Variants in STEAP1B observed in about 807,000 individuals in gnomAD.
The protein encoded by STEAP1B is STEAP family member 1B.
In STEAP1B, 13 loss-of-function variants were observed where a neutral mutation model predicts 27.9. The observed-to-expected ratio is 0.47, with a 90% CI of 0.30 to 0.74. STEAP1B has a LOEUF of 0.74. Among genes scored for constraint, STEAP1B ranks in the 30% least tolerant of loss-of-function variants. The pLI, the probability that STEAP1B is intolerant of heterozygous loss-of-function variation, is 0.06. For missense variants in STEAP1B, 250 were observed against 298.7 expected (o/e 0.84, Z 1.20); for synonymous variants, 86 against 107.1 (o/e 0.80, Z 1.22).
chr7:22,461,977 T>C (rs1271346892), intron 4 of STEAP1B, among the ~76,000 whole-genome samples: 2 of 152,182 alleles, frequency 1.3e-5, no homozygotes, highest in East Asian at 1.9e-4. Flanking sequence ...TAGTAAACGC[T>C]TGGTAATAGT....
At chr7:22,428,936 A>G (rs752661199) in intron 4 of STEAP1B, among the ~76,000 whole-genome samples, 1 of 152,252 alleles carries the variant, frequency 6.6e-6, no homozygotes. Flanking sequence ...AATGGTGAAC[A>G]TATATAAGGT....
intron 4 of STEAP1B, among the ~76,000 whole-genome samples, chr7:22,450,646 G>T (rs186343989): frequency 1.3e-5 from 2 of 151,018 alleles, no homozygotes; most frequent in East Asian, 1.9e-4. Context: ...GTCTTTTGTG[G>T]TTCCATATAA....
At position 22,493,372 on chromosome 7, in the gene STEAP1B, T is replaced by C; in HGVS notation, c.549A>G (p.Ala183=). Residue 183 remains alanine (A), a synonymous_variant, in exon 3 of 5, where the codon GCA becomes GCG. Transcript: ENST00000678116. ...VLHAIYTLSY[A]MRRSYRYKLL... The stretch of plus-strand genomic sequence containing the variant: ...ACTTGTATCTGTAGGATCGCCTCAT[T>C]GCGTAAGACAGAGTATAAATTGCAT... The C allele has an allele frequency of 6.2e-7, 1 of 1,613,940 alleles. No individual in the cohort carries two copies. The highest frequency in any genetic ancestry group is 8.5e-7 in the Non-Finnish European group (1 of 1,179,800).
chr7:22,423,406 C>T (rs956675570), intron 4 of STEAP1B, among the ~76,000 whole-genome samples: 1 of 152,132 alleles, frequency 6.6e-6, no homozygotes, highest in African/African-American at 2.4e-5. Flanking sequence ...ATGGCACATC[C>T]GTCAGTGGAC....
intron 4 of STEAP1B, among the ~76,000 whole-genome samples, chr7:22,436,944 G>A (rs1785262526): frequency 6.6e-6 from 1 of 152,028 alleles, no homozygotes; most frequent in South Asian, 2.1e-4. Flanking sequence ...GGTATTTCTG[G>A]GGCAAAGATT....
intron 4 of STEAP1B, among the ~76,000 whole-genome samples, chr7:22,478,657 T>C (rs1490243794): frequency 6.6e-6 from 1 of 152,208 alleles, no homozygotes. Context: ...CTAAATGAAT[T>C]TATACATATA....
At chr7:22,469,490 C>G (rs1785843343) in intron 4 of STEAP1B, among the ~76,000 whole-genome samples, 1 of 152,184 alleles carries the variant, frequency 6.6e-6, no homozygotes, top group African/African-American at 2.4e-5. Context: ...CACTTGCTCA[C>G]TAACTCACCC....
At chr7:22,492,977 A>G (rs1426121820) in intron 3 of STEAP1B, among the ~76,000 whole-genome samples, 1 of 152,106 alleles carries the variant, frequency 6.6e-6, no homozygotes, top group African/African-American at 2.4e-5. Flanking sequence ...GTTTACTTGG[A>G]TAGAACTGTA....
chr7:22,464,307 T>C (rs1381461863), intron 4 of STEAP1B, among the ~76,000 whole-genome samples: 1 of 152,176 alleles, frequency 6.6e-6, no homozygotes, highest in Non-Finnish European at 1.5e-5. Flanking sequence ...TCATTACCCA[T>C]CACCTCTCCC....
At chr7:22,495,535 G>T (rs1013798595) in intron 1 of STEAP1B, 4 of 152,144 alleles carry the variant, frequency 2.6e-5, no homozygotes, top group African/African-American at 7.2e-5. Context: ...CTTTTCCTTA[G>T]CAAACTCACA....
chr7:22,422,554 C>T (rs1328611498), intron 4 of STEAP1B, among the ~76,000 whole-genome samples: 1 of 150,840 alleles, frequency 6.6e-6, no homozygotes, highest in East Asian at 1.9e-4. Context: ...AGTGCAATGG[C>T]ACAATCTTGG....
intron 4 of STEAP1B, among the ~76,000 whole-genome samples, chr7:22,427,745 A>C (rs1785126889): frequency 6.6e-6 from 1 of 152,226 alleles, no homozygotes; most frequent in South Asian, 2.1e-4. Flanking sequence ...TGAGTAATAA[A>C]TGTACCTTTG....
intron 4 of STEAP1B, among the ~76,000 whole-genome samples, chr7:22,453,720 C>G (rs189433815): frequency 6.6e-6 from 1 of 152,158 alleles, no homozygotes; most frequent in African/African-American, 2.4e-5. Flanking sequence ...CATCCCTGTC[C>G]CTAGATGTAA....
intron 4 of STEAP1B, among the ~76,000 whole-genome samples, chr7:22,483,645 T>G (rs781170641): frequency 3.7e-4 from 57 of 152,228 alleles, no homozygotes; most frequent in Non-Finnish European, 7.2e-4. Context: ...TCTGTGATGG[T>G]GATCTGTCAT....
At chr7:22,459,737 T>C (rs1330852739) in intron 4 of STEAP1B, among the ~76,000 whole-genome samples, 1 of 152,170 alleles carries the variant, frequency 6.6e-6, no homozygotes, top group African/African-American at 2.4e-5. Context: ...AAAACTCGTA[T>C]CATAAACTTA....
intron 4 of STEAP1B, among the ~76,000 whole-genome samples, chr7:22,482,353 A>G (rs983165268): frequency 2.0e-5 from 3 of 152,228 alleles, no homozygotes; most frequent in Non-Finnish European, 4.4e-5. Flanking sequence ...CCAACGAATA[A>G]TTCTTAGCAC....
intron 4 of STEAP1B, among the ~76,000 whole-genome samples, chr7:22,463,997 A>AC (rs1785726779): frequency 6.6e-6 from 1 of 152,020 alleles, no homozygotes; most frequent in Non-Finnish European, 1.5e-5. Context: ...AGCAAAAGAA[A>AC]CTACCATCAG....
chr7:22,458,449 C>T (rs1330291827), intron 4 of STEAP1B, among the ~76,000 whole-genome samples: 4 of 152,114 alleles, frequency 2.6e-5, no homozygotes, highest in Non-Finnish European at 4.4e-5. Flanking sequence ...TACTGGCTTG[C>T]GAGATCCAAC....
intron 4 of STEAP1B, among the ~76,000 whole-genome samples, chr7:22,456,039 CG>C (rs1307534948): frequency 6.6e-6 from 1 of 151,924 alleles, no homozygotes; most frequent in Non-Finnish European, 1.5e-5. Flanking sequence ...CCCAGCTACT[CG>C]TGAGGCTGAG....
Sources: gnomAD v4.1 joint callset for allele counts (sites outside exome capture counted in the v4.1 genomes callset) on GRCh38, gnomAD v4.1.1 for gene constraint, MANE v1.5 for transcripts, NCBI Gene and HGNC (gene_info 2026-07-23, HGNC 2026-07-21) for gene names.